The following ST6GALNAC3 variants were observed in gnomAD, a reference collection of about 807,000 sequenced individuals.
ST6GALNAC3 encodes the protein alpha-N-acetylgalactosaminide alpha-2,6-sialyltransferase 3.
ST6GALNAC3 carries 25 observed loss-of-function variants against 32.7 expected under a neutral mutation model. The observed-to-expected ratio is 0.76, with a 90% CI of 0.56 to 1.07. The LOEUF (loss-of-function observed/expected upper bound fraction) is 1.07, where lower values mean the gene tolerates loss of function less well. Ranked by LOEUF, ST6GALNAC3 falls within the 50% of genes least tolerant of loss-of-function variation. The probability of loss-of-function intolerance (pLI) is 0.00; values close to 1 mark genes in which losing one functional copy is unlikely to be tolerated. For synonymous variants in ST6GALNAC3, 129 were observed against 133.1 expected, an observed-to-expected ratio of 0.97 and a Z score of 0.21; for missense variants, 355 against 382.4, an observed-to-expected ratio of 0.93 and a Z score of 0.60.
chr1:76,109,914 A>G (rs1430362125), intron 1 of ST6GALNAC3, among the ~76,000 whole-genome samples: 1 of 152,266 alleles, frequency 6.6e-6, no homozygotes, highest in Non-Finnish European at 1.5e-5. Flanking sequence ...TTATGAAGGT[A>G]GATTTCCACT....
At chr1:76,571,246 G>A (rs991809271) in intron 3 of ST6GALNAC3, among the ~76,000 whole-genome samples, 2 of 151,906 alleles carry the variant, frequency 1.3e-5, no homozygotes, top group African/African-American at 4.8e-5. Context: ...CCCTTCTTCT[G>A]GTATGGCTTC....
intron 2 of ST6GALNAC3, among the ~76,000 whole-genome samples, chr1:76,314,359 G>A (rs1646826525): frequency 1.3e-5 from 2 of 152,064 alleles, no homozygotes; most frequent in Admixed American, 1.3e-4. Context: ...CAACTGGTTG[G>A]GGAGAGCTCT....
chr1:76,591,782 T>C (rs1194417095), intron 3 of ST6GALNAC3, among the ~76,000 whole-genome samples: 2 of 152,108 alleles, frequency 1.3e-5, no homozygotes. Flanking sequence ...GAGGAGGTCA[T>C]ATGTGAGCAG....
Position 76,171,088 on chromosome 1 carries a change from G to GGTGTGTGTGTGT in ST6GALNAC3, c.18+96226_18+96237dup, listed in dbSNP as rs71071988. Among the ~76,000 whole-genome samples the GGTGTGTGTGTGT allele has an allele frequency of 6.9e-3, 1,035 of 149,564 alleles. 8 individuals carry two copies. The highest frequency in any genetic ancestry group is 0.011 in the African/African-American group (441 of 40,426). On this transcript the variant is annotated intron_variant, in intron 1 of 4. Coordinates refer to ENST00000328299, the MANE Select transcript of ST6GALNAC3 (RefSeq NM_152996.4). ...AACTGAACAGTTATTCATTGAGAGG[G>GGTGTGTGTGTGT]GTGTGTGTGTGTGTGTGTGTGTGTG...
At chr1:76,288,053 C>A (rs1570701085) in intron 1 of ST6GALNAC3, among the ~76,000 whole-genome samples, 1 of 152,164 alleles carries the variant, frequency 6.6e-6, no homozygotes, top group East Asian at 1.9e-4. Context: ...GAGATCACCT[C>A]TCCCACTCAT....
chr1:76,604,549 G>A (rs2100643527), intron 3 of ST6GALNAC3, among the ~76,000 whole-genome samples: 2 of 152,182 alleles, frequency 1.3e-5, no homozygotes, highest in Admixed American at 1.3e-4. Flanking sequence ...GTGTTCCTTA[G>A]GCTCATTCCT....
chr1:76,086,969 A>G (rs904785787), intron 1 of ST6GALNAC3, among the ~76,000 whole-genome samples: 1 of 152,148 alleles, frequency 6.6e-6, no homozygotes, highest in African/African-American at 2.4e-5. Context: ...TACCTGAACC[A>G]TTGCCACTTT....
intron 3 of ST6GALNAC3, among the ~76,000 whole-genome samples, chr1:76,539,496 A>G (rs1218067968): frequency 6.6e-6 from 1 of 152,192 alleles, no homozygotes; most frequent in African/African-American, 2.4e-5. Flanking sequence ...CAATGGTAAC[A>G]AAAGCCAAAA....
chr1:76,224,886 G>A (rs535647487), intron 1 of ST6GALNAC3, among the ~76,000 whole-genome samples: 1 of 152,228 alleles, frequency 6.6e-6, no homozygotes, highest in Admixed American at 6.5e-5. Context: ...AGATTTAGTT[G>A]CTATTGTGAT....
At chr1:76,534,052 CT>C (rs917975108) in intron 3 of ST6GALNAC3, among the ~76,000 whole-genome samples, 1 of 151,086 alleles carries the variant, frequency 6.6e-6, no homozygotes, top group Non-Finnish European at 1.5e-5. Flanking sequence ...TATCTTTTTT[CT>C]TTTTTTTGAG....
chr1:76,522,834 C>T (rs1570087300), intron 3 of ST6GALNAC3, among the ~76,000 whole-genome samples: 2 of 152,296 alleles, frequency 1.3e-5, no homozygotes, highest in South Asian at 4.1e-4. Flanking sequence ...TTGCAGCTCA[C>T]ACATGCTGTC....
chr1:76,112,379 C>A, intron 1 of ST6GALNAC3, among the ~76,000 whole-genome samples: 1 of 146,042 alleles, frequency 6.8e-6, no homozygotes, highest in East Asian at 2.1e-4. Flanking sequence ...GGCTGACCCC[C>A]CCACCTCCTT....
At chr1:76,327,280 GT>G (rs1647093855) in intron 2 of ST6GALNAC3, among the ~76,000 whole-genome samples, 1 of 86,056 alleles carries the variant, frequency 1.2e-5, no homozygotes, top group African/African-American at 8.8e-5. Context: ...ATATGCGTGT[GT>G]GTGTGTGTGT....
intron 2 of ST6GALNAC3, among the ~76,000 whole-genome samples, chr1:76,334,878 T>G (rs1196049326): frequency 6.6e-6 from 1 of 152,198 alleles, no homozygotes; most frequent in African/African-American, 2.4e-5. Context: ...ATTTGCACTT[T>G]GAAAGAGCTG....
At chr1:76,143,425 C>T (rs199618900) in intron 1 of ST6GALNAC3, among the ~76,000 whole-genome samples, 11 of 44,926 alleles carry the variant, frequency 2.4e-4, no homozygotes, top group African/African-American at 5.3e-4. Context: ...GTGTGTGTGT[C>T]CGTCTGTGTG....
intron 2 of ST6GALNAC3, among the ~76,000 whole-genome samples, chr1:76,347,144 A>C (rs900898860): frequency 6.6e-6 from 1 of 152,188 alleles, no homozygotes; most frequent in Admixed American, 6.6e-5. Context: ...ATTACAGTCT[A>C]GCCTCTGCAA....
chr1:76,390,534 A>G (rs775272886), intron 2 of ST6GALNAC3, among the ~76,000 whole-genome samples: 44 of 152,192 alleles, frequency 2.9e-4, no homozygotes, highest in Admixed American at 2.0e-3. Context: ...CCAGTGCAGC[A>G]TATATTCAGC....
chr1:76,162,435 T>C (rs1055213425), intron 1 of ST6GALNAC3, among the ~76,000 whole-genome samples: 21 of 152,230 alleles, frequency 1.4e-4, no homozygotes, highest in African/African-American at 5.1e-4. Context: ...AACATGGCCT[T>C]TGCTGTCAGG....
chr1:76,164,010 G>A (rs1290875309), intron 1 of ST6GALNAC3, among the ~76,000 whole-genome samples: 1 of 152,112 alleles, frequency 6.6e-6, no homozygotes, highest in Non-Finnish European at 1.5e-5. Flanking sequence ...TTAAGATGTT[G>A]GATTTGTTGA....
Sources: allele counts gnomAD v4.1 joint callset (sites outside exome capture counted in the v4.1 genomes callset), GRCh38; gene constraint gnomAD v4.1.1; transcripts MANE v1.5; gene names NCBI Gene and HGNC (gene_info 2026-07-23, HGNC 2026-07-21).